The following FBXO15 variants were observed in gnomAD, a reference collection of about 807,000 sequenced individuals.
FBXO15 encodes the protein F-box only protein 15.
A neutral mutation model predicts 49.5 loss-of-function variants in FBXO15; 30 were observed. The ratio of observed to expected loss-of-function variants is 0.61; its 90% CI spans 0.45 to 0.82. FBXO15 has a LOEUF of 0.82. Among genes scored for constraint, FBXO15 ranks in the 40% least tolerant of loss-of-function variants. The pLI is 0.00. For synonymous variants in FBXO15, 250 were observed against 232.7 expected (o/e 1.07, Z -0.68); for missense variants, 591 against 631.5 (o/e 0.94, Z 0.69).
intron 8 of FBXO15, 143 bp from the exon 9 acceptor site, chr18:74,082,194 C>T: frequency 1.5e-6 from 1 of 664,276 alleles, no homozygotes; most frequent in Non-Finnish European, 2.4e-6. Flanking sequence ...CACAGCAATC[C>T]CAGCCTCTGG....
intron 3 of FBXO15, 91 bp downstream of exon 3, chr18:74,135,671 A>G: frequency 9.9e-7 from 1 of 1,005,086 alleles, no homozygotes; most frequent in African/African-American, 1.6e-5. Context: ...GAATTCTCTT[A>G]AATTCTTAAA....
intron 8 of FBXO15, among the ~76,000 whole-genome samples, chr18:74,088,008 C>T (rs1054836621): frequency 2.0e-5 from 3 of 152,076 alleles, no homozygotes; most frequent in African/African-American, 7.2e-5. Flanking sequence ...GCAGCATGTA[C>T]GTCTTCTTTT....
intron 8 of FBXO15, among the ~76,000 whole-genome samples, chr18:74,105,981 T>C (rs536466392): frequency 6.6e-6 from 1 of 152,096 alleles, no homozygotes; most frequent in Admixed American, 6.5e-5. Context: ...AATCAAGAAA[T>C]CTTTGATAAA....
chr18:74,094,184 T>C (rs1181521131), intron 8 of FBXO15, among the ~76,000 whole-genome samples: 1 of 152,230 alleles, frequency 6.6e-6, no homozygotes, highest in Non-Finnish European at 1.5e-5. Flanking sequence ...CAAAATTTCA[T>C]GTTGAAATGT....
chr18:74,106,710 T>C (rs1309995590), intron 8 of FBXO15, among the ~76,000 whole-genome samples: 2 of 152,176 alleles, frequency 1.3e-5, no homozygotes, highest in African/African-American at 2.4e-5. Flanking sequence ...GTTTTTAAAA[T>C]AGTCAATCTA....
intron 8 of FBXO15, among the ~76,000 whole-genome samples, chr18:74,105,889 T>A (rs1279626976): frequency 6.6e-6 from 1 of 152,192 alleles, no homozygotes; most frequent in Non-Finnish European, 1.5e-5. Flanking sequence ...TTAATATGAA[T>A]CTGCTCAAAA....
At chr18:74,143,236 C>T (rs1208471446) in intron 1 of FBXO15, among the ~76,000 whole-genome samples, 1 of 152,108 alleles carries the variant, frequency 6.6e-6, no homozygotes, top group Non-Finnish European at 1.5e-5. Flanking sequence ...TCAGTAACAG[C>T]TTTTTGTCAT....
intron 8 of FBXO15, among the ~76,000 whole-genome samples, chr18:74,082,994 A>ATG (rs1378914903): frequency 6.6e-6 from 1 of 152,238 alleles, no homozygotes; most frequent in Non-Finnish European, 1.5e-5. Context: ...TAGAAATGTT[A>ATG]TACAGTGTTC....
chr18:74,126,992 TG>T (rs1978290779), intron 5 of FBXO15, among the ~76,000 whole-genome samples: 1 of 152,136 alleles, frequency 6.6e-6, no homozygotes, highest in African/African-American at 2.4e-5. Context: ...AGAATACACT[TG>T]GAGGAGGATA....
At chr18:74,102,262 GA>G (rs1328183296) in intron 8 of FBXO15, among the ~76,000 whole-genome samples, 3 of 151,622 alleles carry the variant, frequency 2.0e-5, no homozygotes, top group Non-Finnish European at 2.9e-5. Context: ...AAATTAGCAA[GA>G]AAAAAACAAT....
In FBXO15 at chr18:74,123,478, A is replaced by C; in HGVS notation, c.1028T>G (p.Leu343Trp). Residue 343 changes from leucine to tryptophan, a missense_variant, in exon 8 of 10, where the codon TTG (leucine) becomes TGG (tryptophan). Physicochemically the swap from Leu to Trp is moderately conservative, Grantham distance 61. Coordinates refer to ENST00000419743, the MANE Select transcript of FBXO15 (RefSeq NM_001142958.2). Reference protein sequence around the residue: ...PYELPPHSPFLDDSPEYGLHG... With the variant: ...PYELPPHSPFWDDSPEYGLHG... ...CAGTCCATACTCGGGGCTATCATCCAAAAAGGGGCTATGTGGAGGCAGTTC... is the reference window on the plus strand; with the variant it reads ...CAGTCCATACTCGGGGCTATCATCCCAAAAGGGGCTATGTGGAGGCAGTTC... 6.2e-7 allele frequency: 1 copy of C among 1,613,390 alleles called. No individual in the cohort carries two copies. The highest frequency in any genetic ancestry group is 1.1e-5 in the South Asian group (1 of 90,912).
At chr18:74,080,307 A>C (rs1199291576) in intron 9 of FBXO15, among the ~76,000 whole-genome samples, 3 of 152,230 alleles carry the variant, frequency 2.0e-5, no homozygotes, top group Non-Finnish European at 4.4e-5. Flanking sequence ...CTTAGTCTTA[A>C]TACTGAATCC....
intron 3 of FBXO15, among the ~76,000 whole-genome samples, chr18:74,133,798 A>C (rs1978546670): frequency 6.6e-6 from 1 of 152,176 alleles, no homozygotes; most frequent in South Asian, 2.1e-4. Context: ...AGAGTGAGTG[A>C]GCAAGAGAGA....
chr18:74,125,344 G>A (rs1451111476), intron 6 of FBXO15, among the ~76,000 whole-genome samples: 1 of 152,232 alleles, frequency 6.6e-6, no homozygotes, highest in African/African-American at 2.4e-5. Context: ...AAGGAAAAGG[G>A]ATGAGGATGG....
chr18:74,094,837 C>T lies in FBXO15; in HGVS notation c.1139-12786G>A, dbSNP rs184065152. Among the ~76,000 whole-genome samples, 94 of 152,310 alleles carry T rather than the reference C, an allele frequency of 6.2e-4. 1 individual carries two copies. The highest frequency in any genetic ancestry group is 2.1e-3 in the African/African-American group (88 of 41,562). Reference sequence around the variant, plus strand: ...TCTCTTCTCTAGCTATGAAAGTCCTCGATAGTGGCTCCTTCCCATGGAAGA... The same window carrying T: ...TCTCTTCTCTAGCTATGAAAGTCCTTGATAGTGGCTCCTTCCCATGGAAGA... On this transcript the variant is annotated intron_variant, in intron 8 of 9. Transcript: ENST00000419743.
chr18:74,128,974 A>G (rs888175267), intron 5 of FBXO15, among the ~76,000 whole-genome samples: 1 of 152,216 alleles, frequency 6.6e-6, no homozygotes, highest in Non-Finnish European at 1.5e-5. Flanking sequence ...TTACTTGCAC[A>G]AGATCACATA....
intron 8 of FBXO15, among the ~76,000 whole-genome samples, chr18:74,087,508 T>C (rs1912797908): frequency 6.6e-6 from 1 of 152,230 alleles, no homozygotes; most frequent in East Asian, 1.9e-4. Flanking sequence ...TTCTGTTCAT[T>C]AGTTCACTTA....
Position 74,137,872 on chromosome 18 carries a change from T to G in FBXO15, c.228-2006A>C, listed in dbSNP as rs75181621. On this transcript the variant is annotated intron_variant, in intron 2 of 9. Transcript: ENST00000419743. ...TGTTCATTTTCAGTACTGTGGGAAT[T>G]CAAATGTGAACACGTCCTTGTCCCT... Among the ~76,000 whole-genome samples the G allele has an allele frequency of 1.5e-3, 228 of 152,310 alleles. 1 individual carries two copies. Among genetic ancestry groups the G allele is most frequent in the African/African-American group, 5.4e-3 (225 of 41,578 alleles).
chr18:74,128,349 G>C (rs1337645479), intron 5 of FBXO15, among the ~76,000 whole-genome samples: 4 of 145,008 alleles, frequency 2.8e-5, no homozygotes, highest in African/African-American at 1.0e-4. Flanking sequence ...AAAAAAAAAA[G>C]TGTCTGTATC....
Sources: gnomAD v4.1 joint callset for allele counts (sites outside exome capture counted in the v4.1 genomes callset) on GRCh38, gnomAD v4.1.1 for gene constraint, MANE v1.5 for transcripts, NCBI Gene and HGNC (gene_info 2026-07-23, HGNC 2026-07-21) for gene names.